The following ASIC2 variants were observed in gnomAD, a reference collection of about 807,000 sequenced individuals.
ASIC2 encodes the protein acid-sensing ion channel 2.
In ASIC2, 25 loss-of-function variants were observed where a neutral mutation model predicts 57.3. That is an observed-to-expected ratio of 0.44 (90% confidence interval 0.32 to 0.61). The LOEUF is 0.61. Among genes scored for constraint, ASIC2 ranks in the 20% least tolerant of loss-of-function variants. The pLI is 0.06. For synonymous variants in ASIC2, 319 were observed against 307.5 expected (o/e 1.04, Z -0.39); for missense variants, 641 against 738.1 (o/e 0.87, Z 1.52).
chr17:33,355,743 A>G (rs1175395286), intron 1 of ASIC2, among the ~76,000 whole-genome samples: 1 of 152,196 alleles, frequency 6.6e-6, no homozygotes, highest in Non-Finnish European at 1.5e-5. Context: ...CTGTTTATTC[A>G]TTCAACATTT....
chr17:33,354,043 C>T (rs2014268), intron 1 of ASIC2, among the ~76,000 whole-genome samples: 30,078 of 151,978 alleles, frequency 0.2, 3,848 homozygotes, highest in African/African-American at 0.37. Flanking sequence ...TTACATGGTG[C>T]GGGCAAGAGG....
At chr17:34,098,447 A>G (rs112408137) in intron 1 of ASIC2, among the ~76,000 whole-genome samples, 2 of 152,234 alleles carry the variant, frequency 1.3e-5, no homozygotes, top group Non-Finnish European at 2.9e-5. Flanking sequence ...AGCTTTGCCC[A>G]GAACAGGGAT....
chr17:33,886,616 A>G (rs775938636), intron 1 of ASIC2, among the ~76,000 whole-genome samples: 2 of 152,188 alleles, frequency 1.3e-5, no homozygotes, highest in Admixed American at 6.5e-5. Flanking sequence ...GTAAGATAAC[A>G]TAGAAAAATA....
chr17:34,039,379 G>A (rs531833474), intron 1 of ASIC2: 2 of 1,613,926 alleles, frequency 1.2e-6, no homozygotes, highest in Non-Finnish European at 1.7e-6. Flanking sequence ...TCCCCTTTGC[G>A]CCAGCTGCTC....
chr17:33,793,984 G>C (rs1314509281), intron 1 of ASIC2: 1 of 152,110 alleles, frequency 6.6e-6, no homozygotes, highest in Non-Finnish European at 1.5e-5. Context: ...TAAAACTTAA[G>C]AGCACACACT....
intron 1 of ASIC2, among the ~76,000 whole-genome samples, chr17:33,941,468 C>G (rs910405732): frequency 2.6e-5 from 4 of 152,166 alleles, no homozygotes; most frequent in Non-Finnish European, 5.9e-5. Context: ...ATCCTGGAGC[C>G]CAGGTGGCTC....
At chr17:33,524,917 G>C (rs916172342) in intron 1 of ASIC2, among the ~76,000 whole-genome samples, 1 of 152,178 alleles carries the variant, frequency 6.6e-6, no homozygotes, top group Non-Finnish European at 1.5e-5. Context: ...GTCCAGCTGA[G>C]AGTGTAGACA....
chr17:33,148,045 C>G (rs983383366), intron 1 of ASIC2, among the ~76,000 whole-genome samples: 15 of 152,212 alleles, frequency 9.9e-5, no homozygotes, highest in African/African-American at 3.6e-4. Context: ...AGAGTAGAAC[C>G]AGGCTTTTCA....
At chr17:33,795,166 GT>G (rs1911880559) in intron 1 of ASIC2, among the ~76,000 whole-genome samples, 1 of 152,188 alleles carries the variant, frequency 6.6e-6, no homozygotes, top group Admixed American at 6.5e-5. Context: ...GTACTGAATG[GT>G]TTGTGCAATG....
chr17:33,030,951 G>A (rs1209442467), intron 3 of ASIC2, among the ~76,000 whole-genome samples: 1 of 152,046 alleles, frequency 6.6e-6, no homozygotes, highest in Non-Finnish European at 1.5e-5. Flanking sequence ...TGTTTATGAG[G>A]CATATTGTAT....
intron 1 of ASIC2, among the ~76,000 whole-genome samples, chr17:33,260,136 C>T (rs1255867762): frequency 6.6e-6 from 1 of 152,126 alleles, no homozygotes; most frequent in Non-Finnish European, 1.5e-5. Context: ...GAGACCCTGC[C>T]TCTAAAAAAG....
chr17:33,134,834 A>G (rs2092361698), intron 1 of ASIC2, among the ~76,000 whole-genome samples: 1 of 152,204 alleles, frequency 6.6e-6, no homozygotes, highest in Admixed American at 6.5e-5. Context: ...TTGCTCCACA[A>G]GACTGGCATT....
chr17:33,959,253 G>T (rs530497968), intron 1 of ASIC2, among the ~76,000 whole-genome samples: 1 of 152,118 alleles, frequency 6.6e-6, no homozygotes, highest in Non-Finnish European at 1.5e-5. Context: ...TTCAACCTCT[G>T]CCTGTTACTC....
At chr17:33,916,554 C>G (rs1158655572) in intron 1 of ASIC2, among the ~76,000 whole-genome samples, 1 of 152,150 alleles carries the variant, frequency 6.6e-6, no homozygotes, top group Non-Finnish European at 1.5e-5. Flanking sequence ...TATGTTATTT[C>G]CAGAAGAAAG....
intron 2 of ASIC2, among the ~76,000 whole-genome samples, chr17:33,101,734 T>C (rs974328371): frequency 1.3e-4 from 20 of 152,238 alleles, no homozygotes; most frequent in African/African-American, 4.8e-4. Context: ...GATATTTTGG[T>C]TAAATCAGTA....
intron 3 of ASIC2, among the ~76,000 whole-genome samples, chr17:33,080,115 C>T (rs1402045310): frequency 6.6e-6 from 1 of 151,990 alleles, no homozygotes; most frequent in Non-Finnish European, 1.5e-5. Context: ...ATGCTGTAAC[C>T]TGGGAGAGGA....
intron 1 of ASIC2, among the ~76,000 whole-genome samples, chr17:33,513,407 TC>T (rs1490754079): frequency 3.3e-5 from 5 of 152,264 alleles, no homozygotes; most frequent in African/African-American, 1.2e-4. Context: ...TGGAGTATTC[TC>T]CTTTTCATTA....
chr17:33,212,240 A>C (rs951413205), intron 1 of ASIC2, among the ~76,000 whole-genome samples: 5 of 152,212 alleles, frequency 3.3e-5, no homozygotes, highest in African/African-American at 1.2e-4. Context: ...AAGCTCCTTG[A>C]GATAAGAAGA....
intron 1 of ASIC2, among the ~76,000 whole-genome samples, chr17:33,167,163 C>T (rs187805389): frequency 2.4e-4 from 37 of 152,258 alleles, no homozygotes; most frequent in African/African-American, 8.4e-4. Context: ...TCAACATGTC[C>T]CAAGCCACCT....
Sources: gnomAD v4.1 joint callset for allele counts (sites outside exome capture counted in the v4.1 genomes callset) on GRCh38, gnomAD v4.1.1 for gene constraint, MANE v1.5 for transcripts, NCBI Gene and HGNC (gene_info 2026-07-23, HGNC 2026-07-21) for gene names.